Variants in ATG16L1 observed in about 807,000 individuals in gnomAD.
ATG16L1 encodes the protein autophagy related 16 like 1.
ATG16L1 carries 37 observed loss-of-function variants against 88.5 expected under a neutral mutation model. The ratio of observed to expected loss-of-function variants is 0.42; its 90% confidence interval spans 0.32 to 0.55. The LOEUF (loss-of-function observed/expected upper bound fraction) is 0.55. Ranked by LOEUF, ATG16L1 falls within the 20% of genes least tolerant of loss-of-function variation. The pLI, the probability that ATG16L1 is intolerant of heterozygous loss-of-function variation, is 0.13. For missense variants in ATG16L1, 554 were observed against 752.8 expected (o/e 0.74, Z 3.09); for synonymous variants, 301 against 281.0 (o/e 1.07, Z -0.71).
intron 1 of ATG16L1, 56 bp downstream of exon 1, chr2:233,251,998 C>A: frequency 1.4e-6 from 2 of 1,414,608 alleles, no homozygotes; most frequent in South Asian, 1.4e-5. Context: ...CGGAGGCATG[C>A]GGGGCGTCAG....
chr2:233,292,615 T>C (rs1425684700), intron 16 of ATG16L1, among the ~76,000 whole-genome samples, 181 bp downstream of exon 16: 1 of 152,274 alleles, frequency 6.6e-6, no homozygotes, highest in Non-Finnish European at 1.5e-5. Context: ...GTGTTCCTTT[T>C]GTGATTACAT....
chr2:233,259,823 C>A (rs150151708), intron 2 of ATG16L1, among the ~76,000 whole-genome samples: 8 of 152,170 alleles, frequency 5.3e-5, no homozygotes, highest in Non-Finnish European at 7.3e-5. Context: ...TTCTCCACCC[C>A]CTAGCCTCTT....
At chr2:233,267,010 TAATG>T (rs1697647963) in intron 5 of ATG16L1, among the ~76,000 whole-genome samples, 1 of 152,130 alleles carries the variant, frequency 6.6e-6, no homozygotes, top group Non-Finnish European at 1.5e-5. Context: ...AGAGATTACT[TAATG>T]GATACAAAAA....
chr2:233,276,175 C>G (rs889219733), intron 9 of ATG16L1, among the ~76,000 whole-genome samples: 5 of 152,172 alleles, frequency 3.3e-5, no homozygotes, highest in Non-Finnish European at 1.5e-5. Context: ...CTCCGTGATA[C>G]TTCAAGCATT....
intron 12 of ATG16L1, among the ~76,000 whole-genome samples, chr2:233,285,684 C>T (rs1269397945): frequency 6.6e-6 from 1 of 152,166 alleles, no homozygotes; most frequent in Non-Finnish European, 1.5e-5. Flanking sequence ...AAAACCTTAC[C>T]AGGTTCCAGA....
chr2:233,263,955 A>G (rs1697388856), intron 3 of ATG16L1, 37 bp from the exon 4 acceptor site: 3 of 1,606,908 alleles, frequency 1.9e-6, no homozygotes, highest in Non-Finnish European at 2.6e-6. Context: ...AGGTCCTAAA[A>G]TTTTTATTTA....
At chr2:233,274,818 T>C (rs771833414) in intron 9 of ATG16L1, 40 bp downstream of exon 9, 7 of 1,480,608 alleles carry the variant, frequency 4.7e-6, no homozygotes, top group African/African-American at 4.1e-5. Context: ...ACGCTTGATA[T>C]GGTGACAGAG....
chr2:233,278,793 G>A (rs1485056980), intron 10 of ATG16L1, among the ~76,000 whole-genome samples: 4 of 152,140 alleles, frequency 2.6e-5, no homozygotes, highest in Non-Finnish European at 5.9e-5. Flanking sequence ...TTGATTTTCA[G>A]GAAAGGGACT....
intron 12 of ATG16L1, among the ~76,000 whole-genome samples, chr2:233,285,158 T>A (rs1574894425): frequency 1.3e-5 from 2 of 152,370 alleles, no homozygotes; most frequent in South Asian, 4.1e-4. Flanking sequence ...CATGGCTACG[T>A]TCTAATCCAT....
At chr2:233,286,126 G>C (rs1389417489) in intron 12 of ATG16L1, among the ~76,000 whole-genome samples, 4 of 152,240 alleles carry the variant, frequency 2.6e-5, no homozygotes, top group African/African-American at 2.4e-5. Flanking sequence ...TTTCTGTTTG[G>C]AATGTTCCTC....
chr2:233,270,422 T>C (rs1697916028), intron 6 of ATG16L1, among the ~76,000 whole-genome samples: 2 of 152,322 alleles, frequency 1.3e-5, no homozygotes, highest in Admixed American at 6.5e-5. Context: ...TTGAGATAGA[T>C]TATTGAAAAT....
chr2:233,256,804 C>G (rs1696814879), intron 2 of ATG16L1, among the ~76,000 whole-genome samples: 1 of 151,832 alleles, frequency 6.6e-6, no homozygotes, highest in South Asian at 2.1e-4. Flanking sequence ...TGGGTTCAAG[C>G]AATTCTCCTG....
intron 7 of ATG16L1, chr2:233,273,415 T>C: frequency 2.0e-6 from 1 of 508,846 alleles, no homozygotes; most frequent in Non-Finnish European, 3.5e-6. Context: ...GATTGGTTAC[T>C]AACAGTCAGA....
At chr2:233,258,029 C>A (rs28554073) in intron 2 of ATG16L1, among the ~76,000 whole-genome samples, 24,076 of 145,342 alleles carry the variant, frequency 0.17, 2,430 homozygotes, top group African/African-American at 0.26. Flanking sequence ...ATCTATATAT[C>A]TATATATCTA....
chr2:233,289,590 C>T (rs1298720682), intron 12 of ATG16L1, among the ~76,000 whole-genome samples: 1 of 152,196 alleles, frequency 6.6e-6, no homozygotes, highest in South Asian at 2.1e-4. Context: ...GGGGGTTTCA[C>T]TGTGTTGCCC....
intron 1 of ATG16L1, 86 bp downstream of exon 1, chr2:233,252,028 C>T (rs1696406759): frequency 8.5e-7 from 1 of 1,181,156 alleles, no homozygotes; most frequent in Non-Finnish European, 1.1e-6. Flanking sequence ...GAGGCCGAGT[C>T]CCTGGCGCCG....
chr2:233,285,890 G>A (rs995783993), intron 12 of ATG16L1, among the ~76,000 whole-genome samples: 6 of 152,184 alleles, frequency 3.9e-5, no homozygotes, highest in African/African-American at 1.4e-4. Flanking sequence ...GCAGCTGGTT[G>A]AGTGCTTGCT....
intron 12 of ATG16L1, among the ~76,000 whole-genome samples, chr2:233,284,128 G>A (rs183296221): frequency 6.7e-6 from 1 of 149,856 alleles, no homozygotes; most frequent in Admixed American, 6.7e-5. Context: ...ACAGGCGTGA[G>A]CCACCGTGCC....
intron 12 of ATG16L1, among the ~76,000 whole-genome samples, chr2:233,283,890 G>A (rs904574137): frequency 1.3e-5 from 2 of 149,916 alleles, no homozygotes; most frequent in African/African-American, 4.9e-5. Context: ...TGTCATCCAG[G>A]CTAGAGTGCA....
Sources: allele counts gnomAD v4.1 joint callset (sites outside exome capture counted in the v4.1 genomes callset), GRCh38; gene constraint gnomAD v4.1.1; transcripts MANE v1.5; gene names NCBI Gene and HGNC (gene_info 2026-07-23, HGNC 2026-07-21).